The following FOXN3 variants were observed in gnomAD, a reference collection of about 807,000 sequenced individuals.
FOXN3 encodes forkhead box protein N3.
In FOXN3, 7 loss-of-function variants were observed where a neutral mutation model predicts 38.4. The observed-to-expected ratio is 0.18, with a 90% CI of 0.10 to 0.34. The LOEUF is 0.34. FOXN3 is among the 10% of genes least tolerant of loss of function. FOXN3 has a pLI of 1.00. For synonymous variants in FOXN3, 230 were observed against 242.2 expected (o/e 0.95, Z 0.47); for missense variants, 456 against 613.4 (o/e 0.74, Z 2.71).
intron 2 of FOXN3, among the ~76,000 whole-genome samples, chr14:89,357,844 C>T (rs570270172): frequency 2.1e-4 from 32 of 152,110 alleles, no homozygotes; most frequent in South Asian, 4.1e-4. Flanking sequence ...AACTTATTCT[C>T]GCTATTATGC....
chr14:89,610,900 A>T (rs1450337002), intron 1 of FOXN3, among the ~76,000 whole-genome samples: 1 of 152,180 alleles, frequency 6.6e-6, no homozygotes, highest in Non-Finnish European at 1.5e-5. Context: ...CATACATGTG[A>T]AATATGTGAA....
intron 4 of FOXN3, among the ~76,000 whole-genome samples, chr14:89,226,865 C>G (rs1365442562): frequency 2.6e-5 from 4 of 152,230 alleles, no homozygotes; most frequent in Non-Finnish European, 5.9e-5. Context: ...AGCCAAGGAA[C>G]TACCAAAACC....
At chr14:89,539,912 C>A (rs1894762983) in intron 1 of FOXN3, among the ~76,000 whole-genome samples, 1 of 152,068 alleles carries the variant, frequency 6.6e-6, no homozygotes, top group African/African-American at 2.4e-5. Context: ...AGGAAACATA[C>A]CAAAATGGAA....
chr14:89,162,601 T>C lies in FOXN3; in HGVS notation c.1220A>G (p.Lys407Arg). The C allele has an allele frequency of 2.5e-6, 4 of 1,614,000 alleles. No individual in the cohort carries two copies. The East Asian group carries it at 6.7e-5, about 27-fold the overall frequency. The change falls in exon 6 of 6, where the codon AAG (lysine) becomes AGG (arginine). Residue 407 changes from lysine (K) to arginine (R), a missense_variant. Lys to Arg is a conservative substitution (Grantham distance 26). Transcript: ENST00000557258. The surrounding 1 kb of genome is among the most constrained non-coding windows in gnomAD (Gnocchi z 7.2). ...GAGGGGCAGTGTGTCGCTGGGGACCTTCCTGGCCTTGGCGAAGTGCTGGCG... is the reference window on the plus strand; with the variant it reads ...GAGGGGCAGTGTGTCGCTGGGGACCCTCCTGGCCTTGGCGAAGTGCTGGCG... ...KKRQHFAKARKVPSDTLPLKK... is the reference protein window; with the variant it reads ...KKRQHFAKARRVPSDTLPLKK...
chr14:89,545,098 T>A (rs1156899152), intron 1 of FOXN3, among the ~76,000 whole-genome samples: 2 of 152,086 alleles, frequency 1.3e-5, no homozygotes, highest in Non-Finnish European at 2.9e-5. Context: ...TTTCCCAGGG[T>A]TCTGGAATGA....
chr14:89,506,168 C>T (rs1460761091), intron 1 of FOXN3, among the ~76,000 whole-genome samples: 11 of 93,462 alleles, frequency 1.2e-4, no homozygotes, highest in Admixed American at 2.2e-4. Context: ...GCCCCTCTGC[C>T]CGGCCAGCTG....
intron 1 of FOXN3, among the ~76,000 whole-genome samples, chr14:89,517,267 G>A (rs776822975): frequency 6.6e-6 from 1 of 151,338 alleles, no homozygotes; most frequent in East Asian, 1.9e-4. Flanking sequence ...GGAGGCTGAG[G>A]CAGGAGAATC....
intron 1 of FOXN3, among the ~76,000 whole-genome samples, chr14:89,514,011 G>C (rs1051520769): frequency 6.6e-6 from 1 of 152,124 alleles, no homozygotes; most frequent in Admixed American, 6.5e-5. Flanking sequence ...TAGAAAGGAA[G>C]AGACATCGCT....
intron 1 of FOXN3, among the ~76,000 whole-genome samples, chr14:89,613,116 C>CAA (rs10581958): frequency 0.038 from 2,846 of 74,212 alleles, 356 homozygotes; most frequent in African/African-American, 0.13. Flanking sequence ...GACTCTGTCT[C>CAA]AAAAAAAAAA....
intron 1 of FOXN3, among the ~76,000 whole-genome samples, chr14:89,466,174 C>T (rs1186807665): frequency 1.3e-5 from 2 of 152,202 alleles, no homozygotes; most frequent in African/African-American, 4.8e-5. Context: ...GCTTCCACTT[C>T]ATTTTCTTCC....
At chr14:89,379,817 T>A (rs558624107) in intron 2 of FOXN3, among the ~76,000 whole-genome samples, 2 of 152,012 alleles carry the variant, frequency 1.3e-5, no homozygotes, top group African/African-American at 4.8e-5. Flanking sequence ...CCCACCACCA[T>A]GTCTAGCTAA....
At chr14:89,244,266 TA>T (rs1350721579) in intron 4 of FOXN3, among the ~76,000 whole-genome samples, 2 of 152,220 alleles carry the variant, frequency 1.3e-5, no homozygotes, top group African/African-American at 4.8e-5. Context: ...TTTGACCTTA[TA>T]ATACAAATGC....
chr14:89,277,360 G>A (rs1448236749), intron 4 of FOXN3, among the ~76,000 whole-genome samples: 1 of 152,158 alleles, frequency 6.6e-6, no homozygotes, highest in East Asian at 1.9e-4. Flanking sequence ...TCTGAAAAAT[G>A]AGCTTGTCCC....
rs190315771 is a variant in FOXN3, at chr14:89,195,090, C to G, written c.746-14284G>C. ...GCCTTTTCTTTAGATTGCAAACTAC[C>G]AGAAGGTAGAAAGAAAGTGTTTGGG... On this transcript the variant is annotated intron_variant, in intron 4 of 5. Coordinates refer to ENST00000557258, the MANE Select transcript of FOXN3 (RefSeq NM_005197.4). Among the ~76,000 whole-genome samples, 6 of 152,312 alleles carry G rather than the reference C, an allele frequency of 3.9e-5. No individual in the cohort carries two copies. The East Asian group carries it at 7.7e-4, about 20-fold the overall frequency.
intron 1 of FOXN3, among the ~76,000 whole-genome samples, chr14:89,431,778 A>C (rs1259788962): frequency 5.3e-5 from 8 of 151,954 alleles, no homozygotes; most frequent in Non-Finnish European, 2.9e-5. Context: ...GCAATGGCAC[A>C]ATCTTGGCTC....
chr14:89,384,602 C>T (rs545613678), intron 2 of FOXN3, among the ~76,000 whole-genome samples: 2 of 152,268 alleles, frequency 1.3e-5, no homozygotes, highest in South Asian at 2.1e-4. Context: ...AGCCCCACAC[C>T]TACCACAATA....
chr14:89,460,270 G>A (rs542570262), intron 1 of FOXN3, among the ~76,000 whole-genome samples: 1 of 152,214 alleles, frequency 6.6e-6, no homozygotes, highest in South Asian at 2.1e-4. Flanking sequence ...AATACTAAGT[G>A]CTTCAATTAA....
chr14:89,439,036 G>A (rs1450946085), intron 1 of FOXN3, among the ~76,000 whole-genome samples: 1 of 152,154 alleles, frequency 6.6e-6, no homozygotes, highest in African/African-American at 2.4e-5. Flanking sequence ...GGGATTACAA[G>A]CGTGAGCCAC....
intron 1 of FOXN3, among the ~76,000 whole-genome samples, chr14:89,453,757 G>C (rs1395077426): frequency 1.3e-5 from 2 of 152,130 alleles, no homozygotes; most frequent in Admixed American, 6.5e-5. Context: ...ATCATTTTTA[G>C]AGGATATCTG....
Sources: allele counts gnomAD v4.1 joint callset (sites outside exome capture counted in the v4.1 genomes callset), GRCh38; gene constraint gnomAD v4.1.1; non-coding constraint Gnocchi (gnomAD v3.1); transcripts MANE v1.5; gene names NCBI Gene and HGNC (gene_info 2026-07-23, HGNC 2026-07-21).